The following DMBT1 variants were observed in gnomAD, a reference collection of about 807,000 sequenced individuals.
DMBT1 encodes the protein deleted in malignant brain tumors 1.
Under a neutral mutation model 252.9 loss-of-function variants are expected in DMBT1, and 198 were observed. The observed-to-expected ratio is 0.78, with a 90% CI of 0.70 to 0.88. DMBT1 has a LOEUF of 0.88. DMBT1 is among the 40% of genes least tolerant of loss of function. The pLI is 0.00. For synonymous variants in DMBT1, 990 were observed against 942.7 expected, an observed-to-expected ratio of 1.05 and a Z score of -0.92; for missense variants, 2,432 against 2,404.7, an observed-to-expected ratio of 1.01 and a Z score of -0.24.
At chr10:122,592,820 A>T (rs1240772535) in intron 20 of DMBT1, among the ~76,000 whole-genome samples, 1 of 148,588 alleles carries the variant, frequency 6.7e-6, no homozygotes, top group Admixed American at 6.7e-5. Context: ...CCCAGACTTT[A>T]TCCCCTTCCT....
intron 7 of DMBT1, 65 bp from the exon 8 acceptor site, chr10:122,577,746 C>G: frequency 6.3e-7 from 1 of 1,590,934 alleles, no homozygotes; most frequent in Non-Finnish European, 8.6e-7. Flanking sequence ...CAAGTCACTT[C>G]AGCCTTAACT....
intron 6 of DMBT1, among the ~76,000 whole-genome samples, chr10:122,575,079 C>T (rs1025907531): frequency 7.9e-5 from 12 of 152,272 alleles, no homozygotes; most frequent in East Asian, 1.9e-4. Context: ...AATTCAAAAA[C>T]GGAGATTCCA....
chr10:122,638,772 C>T (rs1210244122), intron 54 of DMBT1, among the ~76,000 whole-genome samples: 1 of 152,226 alleles, frequency 6.6e-6, no homozygotes, highest in African/African-American at 2.4e-5. Context: ...AACCATATTG[C>T]CTATCACACT....
At chr10:122,625,353 CCT>C in intron 45 of DMBT1, 50 bp downstream of exon 45, 1 of 1,560,386 alleles carries the variant, frequency 6.4e-7, no homozygotes, top group Non-Finnish European at 8.8e-7. Context: ...GGAATTCCAC[CCT>C]CTCTTGTTTC....
rs1367249358 is a variant in DMBT1, at chr10:122,579,819, G to T, written c.921G>T (p.Glu307Asp). The change falls in exon 10 of 56, where the codon GAG becomes GAT. Residue 307 changes from glutamate to aspartate, a missense_variant. By Grantham distance (45) the Glu-to-Asp change is conservative. This residue lies in a region of DMBT1 where 1,264 missense variants were observed against 1,082.2 expected (regional missense o/e 1.17). Transcript: ENST00000338354. ...VLDDVRCSGH[E>D]SYLWSCPHNG... ...ATGATGTGCGCTGCTCAGGACATGA[G>T]TCCTACCTGTGGAGCTGCCCCCACA... The T allele has an allele frequency of 1.9e-6, 3 of 1,613,498 alleles. No homozygotes were observed. In the East Asian group the frequency reaches 6.7e-5, roughly 36 times the overall value.
rs529670898 is a variant in DMBT1, at chr10:122,636,030, C to T, written c.6588C>T (p.Phe2196=). The part of the protein sequence containing the change: ...GGCNYDYIEV[F]DGPYRSSPLI... ...GCAACTATGATTATATTGAAGTTTT[C>T]GATGGCCCCTACCGCAGTTCCCCTC... The change falls in exon 53 of 56, where the codon TTC becomes TTT. Residue 2196 remains phenylalanine, a synonymous_variant. Coordinates refer to ENST00000338354, the MANE Select transcript of DMBT1 (RefSeq NM_001377530.1). The T allele has an allele frequency of 3.2e-5, 51 of 1,613,994 alleles. No homozygotes were observed. The highest frequency in any genetic ancestry group is 2.6e-4 in the South Asian group (24 of 91,086).
chr10:122,618,245 G>A lies in DMBT1; in HGVS notation c.5120G>A (p.Cys1707Tyr), dbSNP rs1466682207. 1 of 1,613,674 alleles carries A rather than the reference G, an allele frequency of 6.2e-7. No homozygotes were observed. Among genetic ancestry groups the A allele is most frequent in the Non-Finnish European group, 8.5e-7 (1 of 1,179,776 alleles). The change falls in exon 41 of 56, where the codon TGC becomes TAC. Residue 1707 changes from cysteine (C) to tyrosine (Y), a missense_variant. Around this residue, in one of 3 missense-constraint regions of DMBT1, gnomAD observed 1,162 missense variants for 1,169.0 expected, o/e 0.99. Transcript: ENST00000338354. The part of the protein sequence containing the change: ...SGPIVLDDVR[C>Y]SGHESYLWSC... The stretch of plus-strand genomic sequence containing the variant: ...CCCATTGTCCTGGATGATGTGCGCT[G>A]CTCAGGACACGAGTCTTACCTGTGG...
Position 122,618,013 on chromosome 10 carries a change from G to A in DMBT1, c.4892-4G>A. 1 of 1,612,534 alleles carries A rather than the reference G, an allele frequency of 6.2e-7. No individual in the cohort carries two copies. Among genetic ancestry groups the A allele is most frequent in the Non-Finnish European group, 8.5e-7 (1 of 1,179,734 alleles). On this transcript the variant is annotated splice_region_variant and splice_polypyrimidine_tract_variant and intron_variant, in intron 40 of 55. Coordinates refer to ENST00000338354, the MANE Select transcript of DMBT1 (RefSeq NM_001377530.1). ...GGATGAAGGGTTCTTGTGTTCCCCT[G>A]TAGGATCTGAATCCACTTTGGCCCT... is the stretch of plus-strand genomic sequence containing the variant.
At chr10:122,622,013 T>C (rs2098074802) in intron 44 of DMBT1, among the ~76,000 whole-genome samples, 2 of 152,166 alleles carry the variant, frequency 1.3e-5, no homozygotes, top group African/African-American at 2.4e-5. Flanking sequence ...GGATGGAAGA[T>C]CACACAGGGG....
chr10:122,627,363 C>T lies in DMBT1; in HGVS notation c.5668+1398C>T, dbSNP rs566725305. 1.7e-4 allele frequency among the ~76,000 whole-genome samples: 26 copies of T among 152,288 alleles called. No homozygotes were observed. The East Asian group carries it at 4.8e-3, about 28-fold the overall frequency. On this transcript the variant is annotated intron_variant, in intron 46 of 55. Coordinates refer to ENST00000338354, the MANE Select transcript of DMBT1 (RefSeq NM_001377530.1). ...CTGTATACACACACACAAACACACACACACACACAGTATGGCATGCTTTAT... is the reference window on the plus strand; with the variant it reads ...CTGTATACACACACACAAACACACATACACACACAGTATGGCATGCTTTAT...
intron 10 of DMBT1, among the ~76,000 whole-genome samples, chr10:122,580,393 G>A (rs540319375): frequency 3.5e-4 from 53 of 152,344 alleles, no homozygotes; most frequent in African/African-American, 1.2e-3. Context: ...CCTGGGTTGC[G>A]TGGGGTTGGA....
rs1287556659 is a variant in DMBT1, at chr10:122,621,234, A to T, written c.5462A>T (p.Asn1821Ile). Residue 1821 changes from asparagine (N) to isoleucine (I), a missense_variant, in exon 44 of 56, where the codon AAT becomes ATT. By Grantham distance (149) the Asn-to-Ile change is moderately radical. Transcript: ENST00000338354. ...GGCTGGGCCATGTCGGCCCCAGGAA[A>T]TGCCCGGTTTGGCCAGGGCTCAGGA... ...GCGWAMSAPG[N>I]ARFGQGSGPI... The T allele has an allele frequency of 6.2e-7, 1 of 1,613,846 alleles. No homozygotes were observed. The highest frequency in any genetic ancestry group is 1.1e-5 in the South Asian group (1 of 91,068).
chr10:122,593,040 T>C lies in DMBT1; in HGVS notation c.2500+445T>C, dbSNP rs567845403. On this transcript the variant is annotated intron_variant, in intron 20 of 55. Transcript: ENST00000338354. ...GAGACCCAGTGAGGAGGTCTGGAAATAGAGGCTCAAGGGTTAGGGGTGCAA... is the reference window on the plus strand; with the variant it reads ...GAGACCCAGTGAGGAGGTCTGGAAACAGAGGCTCAAGGGTTAGGGGTGCAA... 2.7e-5 allele frequency among the ~76,000 whole-genome samples: 4 copies of C among 148,640 alleles called. 1 individual carries two copies. The highest frequency in any genetic ancestry group is 6.7e-5 in the Admixed American group (1 of 15,010).
At chr10:122,599,276 C>T (rs1016712950) in intron 26 of DMBT1, among the ~76,000 whole-genome samples, 179 bp downstream of exon 26, 3 of 152,220 alleles carry the variant, frequency 2.0e-5, no homozygotes, top group Non-Finnish European at 2.9e-5. Flanking sequence ...CCTGTGGTCA[C>T]TTAGGACAGG....
rs187427297 is a variant in DMBT1 at position 122,620,283 on chromosome 10, T to C, written c.5276T>C (p.Leu1759Ser). 957 of 1,614,012 alleles carry C rather than the reference T, an allele frequency of 5.9e-4. 4 individuals carry two copies. The African/African-American group carries it at 0.01, about 18-fold the overall frequency. Reference sequence around the variant, plus strand: ...TGGCTGACCACCAACTTACCGGCATTGACAGTAGGTAAATAATCCTCTCGC... The same window carrying C: ...TGGCTGACCACCAACTTACCGGCATCGACAGTAGGTAAATAATCCTCTCGC... ...DTWLTTNLPA[L>S]TVGSESSLAL... is the part of the protein sequence containing the mutation. The change falls in exon 43 of 56, where the codon TTG becomes TCG. Residue 1759 changes from leucine (L) to serine (S), a missense_variant. Around this residue, in one of 3 missense-constraint regions of DMBT1, gnomAD observed 1,162 missense variants for 1,169.0 expected, o/e 0.99. Coordinates refer to ENST00000338354, the MANE Select transcript of DMBT1 (RefSeq NM_001377530.1).
intron 25 of DMBT1, 42 bp downstream of exon 25, chr10:122,598,054 C>A (rs776269569): frequency 6.2e-7 from 1 of 1,613,092 alleles, no homozygotes; most frequent in Admixed American, 1.7e-5. Flanking sequence ...CACTCTCTAC[C>A]TCTGGACAAA....
intron 2 of DMBT1, 138 bp downstream of exon 2, chr10:122,566,134 C>A: frequency 6.7e-6 from 6 of 892,574 alleles, no homozygotes; most frequent in Non-Finnish European, 7.2e-6. Flanking sequence ...GCCGGGGGGA[C>A]AGGAGACGTG....
At chr10:122,621,425 G>C (rs1356136354) in intron 44 of DMBT1, 45 bp downstream of exon 44, 2 of 1,612,330 alleles carry the variant, frequency 1.2e-6, no homozygotes, top group East Asian at 2.2e-5. Context: ...GGTGGAGTTT[G>C]CTCCAGAAGA....
intron 46 of DMBT1, among the ~76,000 whole-genome samples, chr10:122,629,611 G>C (rs3013176): frequency 0.51 from 77,794 of 152,124 alleles, 22,924 homozygotes; most frequent in African/African-American, 0.81. Context: ...TCACCTCCTC[G>C]CAGAGGGTTG....
Sources: gnomAD v4.1 joint callset for allele counts (sites outside exome capture counted in the v4.1 genomes callset) on GRCh38, gnomAD v4.1.1 for gene constraint, gnomAD v4.1.1 regional missense constraint, MANE v1.5 for transcripts, NCBI Gene and HGNC (gene_info 2026-07-23, HGNC 2026-07-21) for gene names.